Variants in ZBTB20 observed in about 807,000 individuals in gnomAD.
ZBTB20 encodes the protein zinc finger and BTB domain containing 20.
Under a neutral mutation model 56.9 loss-of-function variants are expected in ZBTB20, and 9 were observed. That is an observed-to-expected ratio of 0.16 (90% confidence interval 0.10 to 0.28). ZBTB20 has a LOEUF of 0.28. Ranked by LOEUF, ZBTB20 falls within the 10% of genes least tolerant of loss-of-function variation. The pLI is 1.00. For synonymous variants in ZBTB20, 417 were observed against 420.7 expected (o/e 0.99, Z 0.11); for missense variants, 655 against 1,003.0 (o/e 0.65, Z 4.69).
rs2079394502 is a variant in ZBTB20 at position 114,334,856 on chromosome 3, A to C, written c.*4149T>G. ...TTACCTCTCAATTAAAAGATACAGG[A>C]AACCATTTTGATACAGAGATTTTCA... On this transcript the variant is annotated 3_prime_UTR_variant, in exon 12 of 12. Transcript: ENST00000675478. The C allele has an allele frequency of 6.6e-6, 1 of 152,220 alleles. No homozygotes were observed. Among genetic ancestry groups the C allele is most frequent in the African/African-American group, 2.4e-5 (1 of 41,450 alleles). The allele number at this position is 152,220 out of a possible 1,614,324, so 9.4% of individuals were successfully genotyped here. A position where few individuals can be genotyped will look rare whatever the true frequency, so the allele number is the denominator to read the frequency against.
chr3:114,934,795 T>G (rs1229294466), intron 3 of ZBTB20, among the ~76,000 whole-genome samples: 1 of 152,194 alleles, frequency 6.6e-6, no homozygotes, highest in Non-Finnish European at 1.5e-5. Flanking sequence ...TGTTATAATG[T>G]TATGACAAAA....
intron 6 of ZBTB20, among the ~76,000 whole-genome samples, chr3:114,646,855 A>G (rs1386191870): frequency 6.6e-6 from 1 of 152,232 alleles, no homozygotes; most frequent in Non-Finnish European, 1.5e-5. Context: ...TTTAAGAGTT[A>G]CCTTTTGAAG....
chr3:114,842,377 C>CT (rs1426682576), intron 4 of ZBTB20, among the ~76,000 whole-genome samples: 1 of 152,164 alleles, frequency 6.6e-6, no homozygotes, highest in East Asian at 1.9e-4. Flanking sequence ...AGAACTGTTT[C>CT]TTAGAGCTTC....
At chr3:114,925,883 A>G (rs764156677) in intron 3 of ZBTB20, among the ~76,000 whole-genome samples, 2 of 152,162 alleles carry the variant, frequency 1.3e-5, no homozygotes, top group Non-Finnish European at 2.9e-5. Flanking sequence ...CCAGACTTGG[A>G]GTCCTTAACT....
intron 3 of ZBTB20, among the ~76,000 whole-genome samples, chr3:114,903,831 A>C (rs2075218935): frequency 6.6e-6 from 1 of 152,054 alleles, no homozygotes; most frequent in Non-Finnish European, 1.5e-5. Context: ...ATGTATTCTA[A>C]GGAGATCCTG....
At chr3:114,653,803 A>T (rs902304670) in intron 6 of ZBTB20, among the ~76,000 whole-genome samples, 2 of 151,972 alleles carry the variant, frequency 1.3e-5, no homozygotes, top group East Asian at 3.8e-4. Flanking sequence ...TCTTTAATCA[A>T]TAAAGGAATA....
chr3:114,858,997 C>A (rs1299196673), intron 4 of ZBTB20, among the ~76,000 whole-genome samples: 8 of 152,068 alleles, frequency 5.3e-5, no homozygotes, highest in South Asian at 4.1e-4. Flanking sequence ...GAAGTTTGAG[C>A]TATCATTATT....
chr3:114,827,291 CT>C (rs1414522598), intron 4 of ZBTB20, among the ~76,000 whole-genome samples: 3 of 151,620 alleles, frequency 2.0e-5, no homozygotes, highest in South Asian at 2.1e-4. Flanking sequence ...CCTGCTACCC[CT>C]GACCTCGAAT....
At chr3:114,749,906 A>C (rs776835608) in intron 5 of ZBTB20, among the ~76,000 whole-genome samples, 2 of 152,224 alleles carry the variant, frequency 1.3e-5, no homozygotes, top group African/African-American at 4.8e-5. Context: ...AATACATGGC[A>C]GCCAAATCAC....
At chr3:114,787,486 G>T (rs895007315) in intron 5 of ZBTB20, among the ~76,000 whole-genome samples, 1 of 148,622 alleles carries the variant, frequency 6.7e-6, no homozygotes, top group East Asian at 2.0e-4. Context: ...TATATGACAC[G>T]TATACATATA....
At chr3:114,417,480 G>A (rs149121435) in intron 7 of ZBTB20, among the ~76,000 whole-genome samples, 148 of 152,106 alleles carry the variant, frequency 9.7e-4, no homozygotes, top group African/African-American at 3.1e-3. Context: ...ACATTCTTGC[G>A]CTCTTAATTG....
intron 4 of ZBTB20, among the ~76,000 whole-genome samples, chr3:114,808,755 T>C (rs2072307571): frequency 6.6e-6 from 1 of 152,110 alleles, no homozygotes; most frequent in Non-Finnish European, 1.5e-5. Flanking sequence ...ATGTCTATAC[T>C]TACCTAAATA....
At chr3:114,777,216 G>C (rs1291192875) in intron 5 of ZBTB20, among the ~76,000 whole-genome samples, 4 of 152,112 alleles carry the variant, frequency 2.6e-5, no homozygotes, top group Non-Finnish European at 4.4e-5. Flanking sequence ...TTCTTAAATA[G>C]ATATATTAAA....
chr3:114,862,175 G>A (rs931484986), intron 4 of ZBTB20, among the ~76,000 whole-genome samples: 40 of 152,278 alleles, frequency 2.6e-4, no homozygotes, highest in African/African-American at 9.1e-4. Context: ...TACAACCTCA[G>A]ATTTCTAAGC....
chr3:114,756,846 G>A (rs944467125), intron 5 of ZBTB20, among the ~76,000 whole-genome samples: 2 of 151,944 alleles, frequency 1.3e-5, no homozygotes, highest in African/African-American at 2.4e-5. Flanking sequence ...GACCACTCTA[G>A]GTGAAATATT....
At chr3:115,045,164 A>G (rs546919838) in intron 2 of ZBTB20, among the ~76,000 whole-genome samples, 2 of 152,244 alleles carry the variant, frequency 1.3e-5, no homozygotes, top group East Asian at 3.9e-4. Context: ...CCAACATACA[A>G]TTTCCTATAA....
intron 3 of ZBTB20, among the ~76,000 whole-genome samples, chr3:114,929,347 C>T (rs2076273732): frequency 6.6e-6 from 1 of 152,124 alleles, no homozygotes; most frequent in Admixed American, 6.5e-5. Flanking sequence ...AAAATAGGGT[C>T]CAACTACTGG....
chr3:114,448,433 T>A (rs2091404872), intron 7 of ZBTB20, among the ~76,000 whole-genome samples: 1 of 152,140 alleles, frequency 6.6e-6, no homozygotes, highest in Non-Finnish European at 1.5e-5. Context: ...GGGTTGCTGG[T>A]GGTGACGGGT....
chr3:114,537,003 G>C (rs530205467), intron 6 of ZBTB20, among the ~76,000 whole-genome samples: 12 of 152,238 alleles, frequency 7.9e-5, no homozygotes, highest in Admixed American at 6.5e-4. Context: ...ATGGATTAAA[G>C]ACCTAAATGT....
Sources: allele counts gnomAD v4.1 joint callset (sites outside exome capture counted in the v4.1 genomes callset), GRCh38; gene constraint gnomAD v4.1.1; transcripts MANE v1.5; gene names NCBI Gene and HGNC (gene_info 2026-07-23, HGNC 2026-07-21).